The following CACNA1C variants were observed in gnomAD, a reference collection of about 807,000 sequenced individuals.
CACNA1C encodes voltage-dependent L-type calcium channel subunit alpha-1C.
A neutral mutation model predicts 229.0 loss-of-function variants in CACNA1C; 30 were observed. The observed-to-expected ratio is 0.13, with a 90% confidence interval of 0.10 to 0.18. CACNA1C has a LOEUF of 0.18. Ranked by LOEUF, CACNA1C falls within the 10% of genes least tolerant of loss-of-function variation. The probability of loss-of-function intolerance (pLI) is 1.00; values close to 1 mark genes in which losing one functional copy is unlikely to be tolerated. For synonymous variants in CACNA1C, 1,114 were observed against 1,132.5 expected (o/e 0.98, Z 0.33); for missense variants, 1,658 against 2,845.0 (o/e 0.58, Z 9.49).
At chr12:1,995,054 C>T (rs2040466498) in intron 1 of CACNA1C, among the ~76,000 whole-genome samples, 1 of 152,022 alleles carries the variant, frequency 6.6e-6, no homozygotes, top group South Asian at 2.1e-4. Flanking sequence ...GGAGAAAAGA[C>T]TAAAAAACAG....
chr12:2,030,278 C>T lies in CACNA1C; in HGVS notation c.139+59077C>T, dbSNP rs183023865. On this transcript the variant is annotated intron_variant, in intron 1 of 46. Coordinates refer to the CACNA1C transcript ENST00000682462. ...AATAATTCCTTTTTTAAGCTTGGAT[C>T]CAATGCTGAGGAATCTCTGGCATCC... 4.7e-4 allele frequency among the ~76,000 whole-genome samples: 72 copies of T among 152,240 alleles called. 1 individual carries two copies. The Middle Eastern group carries it at 0.01, about 22-fold the overall frequency.
At chr12:2,214,468 T>C (rs998802138) in intron 3 of CACNA1C, among the ~76,000 whole-genome samples, 8 of 152,164 alleles carry the variant, frequency 5.3e-5, no homozygotes, top group African/African-American at 1.9e-4. Flanking sequence ...TGGTCATTAT[T>C]CAGTCTTCAC....
chr12:2,478,570 G>A (rs1364912838), intron 5 of CACNA1C, among the ~76,000 whole-genome samples: 1 of 152,172 alleles, frequency 6.6e-6, no homozygotes, highest in African/African-American at 2.4e-5. Context: ...AATAACAATG[G>A]CTGTCACTGA....
At chr12:2,466,922 C>T (rs2099555103) in intron 5 of CACNA1C, among the ~76,000 whole-genome samples, 1 of 152,128 alleles carries the variant, frequency 6.6e-6, no homozygotes, top group South Asian at 2.1e-4. Context: ...TTGGACTTGG[C>T]CCTCATTCTC....
chr12:2,188,723 G>A (rs1413063801), intron 3 of CACNA1C, among the ~76,000 whole-genome samples: 1 of 152,090 alleles, frequency 6.6e-6, no homozygotes, highest in Admixed American at 6.6e-5. Context: ...AATACAAGAA[G>A]TGTTCTCTGA....
At chr12:2,276,750 T>C (rs1221466073) in intron 3 of CACNA1C, among the ~76,000 whole-genome samples, 1 of 152,120 alleles carries the variant, frequency 6.6e-6, no homozygotes, top group Non-Finnish European at 1.5e-5. Flanking sequence ...TAAGGAAATA[T>C]TTGGAGCACT....
chr12:2,434,306 C>G lies in CACNA1C; in HGVS notation c.478-14670C>G, dbSNP rs1252625830. ...ATCTGAAGTGAGCTTCTCAGACACC[C>G]TGGAATTCTAGAACCACTAGGGGTT... On this transcript the variant is annotated intron_variant, in intron 3 of 46. Coordinates refer to ENST00000399655, the MANE Select transcript of CACNA1C (RefSeq NM_000719.7). Among the ~76,000 whole-genome samples, 4 of 152,186 alleles carry G rather than the reference C, an allele frequency of 2.6e-5. No homozygotes were observed. The East Asian group carries it at 5.8e-4, about 22-fold the overall frequency.
At chr12:2,138,382 A>G (rs1441665569) in intron 3 of CACNA1C, among the ~76,000 whole-genome samples, 1 of 151,102 alleles carries the variant, frequency 6.6e-6, no homozygotes, top group Non-Finnish European at 1.5e-5. Flanking sequence ...GTGTGGGGGA[A>G]GGCAGGTGGC....
chr12:2,314,418 T>G (rs1298566122), intron 3 of CACNA1C, among the ~76,000 whole-genome samples: 1 of 152,200 alleles, frequency 6.6e-6, no homozygotes, highest in East Asian at 1.9e-4. Context: ...ACAGCATGAA[T>G]TCTCACCTCG....
At chr12:2,513,731 G>A (rs534339034) in intron 9 of CACNA1C, among the ~76,000 whole-genome samples, 5 of 152,302 alleles carry the variant, frequency 3.3e-5, no homozygotes, top group South Asian at 2.1e-4. Flanking sequence ...AAGCATGGCC[G>A]CTGACCAGCA....
At chr12:2,106,945 T>C (rs1170889313) in intron 1 of CACNA1C, among the ~76,000 whole-genome samples, 1 of 92,714 alleles carries the variant, frequency 1.1e-5, no homozygotes, top group Non-Finnish European at 2.4e-5. Context: ...TGGGGCGTCC[T>C]GAAGCCACTG....
chr12:2,247,240 C>G (rs1446883043), intron 3 of CACNA1C, among the ~76,000 whole-genome samples: 2 of 152,170 alleles, frequency 1.3e-5, no homozygotes, highest in African/African-American at 2.4e-5. Context: ...GGTCACAGTG[C>G]ATTGCATGGA....
intron 1 of CACNA1C, among the ~76,000 whole-genome samples, chr12:2,102,696 T>C (rs1370777220): frequency 6.6e-6 from 1 of 152,178 alleles, no homozygotes; most frequent in East Asian, 1.9e-4. Context: ...CAACCCATCA[T>C]CTACATTTGT....
intron 1 of CACNA1C, among the ~76,000 whole-genome samples, chr12:2,027,985 C>T (rs576705769): frequency 2.0e-5 from 3 of 152,178 alleles, no homozygotes; most frequent in Non-Finnish European, 4.4e-5. Flanking sequence ...ACATCCTTAT[C>T]CGTCCTTGGT....
chr12:1,979,265 C>T (rs1231235393), intron 1 of CACNA1C, among the ~76,000 whole-genome samples: 1 of 151,938 alleles, frequency 6.6e-6, no homozygotes, highest in Admixed American at 6.6e-5. Flanking sequence ...CCGCCTGCTT[C>T]GGCCTCCCAA....
intron 3 of CACNA1C, among the ~76,000 whole-genome samples, chr12:2,447,486 C>CCAAGCT (rs2099310073): frequency 1.3e-5 from 2 of 152,184 alleles, no homozygotes; most frequent in South Asian, 4.1e-4. Flanking sequence ...ATGCACATTT[C>CCAAGCT]CAAGCTTCAT....
chr12:2,382,461 G>A (rs889136805), intron 3 of CACNA1C, among the ~76,000 whole-genome samples: 1 of 152,158 alleles, frequency 6.6e-6, no homozygotes, highest in South Asian at 2.1e-4. Flanking sequence ...ACATTATTCT[G>A]AGAAGGACCT....
chr12:2,145,882 G>A (rs2094656623), intron 3 of CACNA1C, among the ~76,000 whole-genome samples: 1 of 151,180 alleles, frequency 6.6e-6, no homozygotes, highest in African/African-American at 2.4e-5. Flanking sequence ...CACCAGAAAT[G>A]CGAACCTGGC....
chr12:2,213,453 G>T (rs981487841), intron 3 of CACNA1C, among the ~76,000 whole-genome samples: 2 of 152,182 alleles, frequency 1.3e-5, no homozygotes, highest in Non-Finnish European at 2.9e-5. Flanking sequence ...TGAGGAGGAG[G>T]CGGCGAGATT....
Sources: gnomAD v4.1 joint callset for allele counts (sites outside exome capture counted in the v4.1 genomes callset) on GRCh38, gnomAD v4.1.1 for gene constraint, MANE v1.5 for transcripts, NCBI Gene and HGNC (gene_info 2026-07-23, HGNC 2026-07-21) for gene names.